THTPA: variants seen among roughly 807,000 people sequenced by gnomAD.
The protein encoded by THTPA is thiamine triphosphatase.
In THTPA, 16 loss-of-function variants were observed where a neutral mutation model predicts 16.5. The observed-to-expected ratio is 0.97, with a 90% CI of 0.66 to 1.47. THTPA has a LOEUF of 1.47. Ranked by LOEUF, THTPA falls within the 40% of genes most tolerant of loss-of-function variation. The probability of loss-of-function intolerance (pLI) is 0.00; values close to 1 mark genes in which losing one functional copy is unlikely to be tolerated. For synonymous variants in THTPA, 110 were observed against 115.5 expected (o/e 0.95, Z 0.30); for missense variants, 281 against 280.9 (o/e 1.00, Z 0.00).
chr14:23,556,451 T>A lies in THTPA; in HGVS notation c.-307T>A. 2.9e-6 allele frequency: 1 copy of A among 344,766 alleles called. No individual in the cohort carries two copies. The allele number at this position is 344,766 out of a possible 1,614,324, so 21.4% of individuals were successfully genotyped here. ...TGGCAAGGTGTAGAGAGGGGGGCGTTGAAAGGACACCCGCTACCCGGCCTG... is the reference window on the plus strand; with the variant it reads ...TGGCAAGGTGTAGAGAGGGGGGCGTAGAAAGGACACCCGCTACCCGGCCTG... On this transcript the variant is annotated 5_prime_UTR_variant, in exon 1 of 2. Coordinates refer to ENST00000288014, the MANE Select transcript of THTPA (RefSeq NM_024328.6).
chr14:23,558,283 G>A (rs1386414045), intron 1 of THTPA, among the ~76,000 whole-genome samples: 1 of 152,204 alleles, frequency 6.6e-6, no homozygotes, highest in Non-Finnish European at 1.5e-5. Flanking sequence ...ATAGCTCTTG[G>A]TTTCTATGTG....
the THTPA span, chr14:23,531,763 A>C: frequency 7.8e-7 from 1 of 1,286,222 alleles, no homozygotes; most frequent in East Asian, 3.0e-5. Flanking sequence ...CAGAAGGGAC[A>C]TGCCAGACCT....
the THTPA span, chr14:23,521,656 G>T: frequency 5.7e-6 from 2 of 348,798 alleles, no homozygotes; most frequent in African/African-American, 4.2e-5. Flanking sequence ...TTTGTGTGTG[G>T]TAGGCAGACA....
chr14:23,546,337 C>T, the THTPA span, among the ~76,000 whole-genome samples: 1 of 152,196 alleles, frequency 6.6e-6, no homozygotes, highest in Non-Finnish European at 1.5e-5. This position sits in a 1 kb window ranked among gnomAD's most constrained non-coding sequence, Gnocchi z 4.7. Context: ...CCTGTTCTCT[C>T]ATTAGACTTT....
chr14:23,553,065 C>T (rs1305997245), upstream of THTPA, among the ~76,000 whole-genome samples: 1 of 152,200 alleles, frequency 6.6e-6, no homozygotes, highest in African/African-American at 2.4e-5. Flanking sequence ...AGTGAATTAA[C>T]AGGCCCAAGG....
chr14:23,547,789 G>A, the THTPA span, among the ~76,000 whole-genome samples: 1 of 152,290 alleles, frequency 6.6e-6, no homozygotes, highest in South Asian at 2.1e-4. Context: ...CTAATTCAAC[G>A]TTTGATCAGT....
chr14:23,535,839 A>G, the THTPA span, among the ~76,000 whole-genome samples: 1 of 151,972 alleles, frequency 6.6e-6, no homozygotes, highest in Non-Finnish European at 1.5e-5. This position sits in a 1 kb window ranked among gnomAD's most constrained non-coding sequence, Gnocchi z 4.5. Context: ...TGATCCGCCC[A>G]CCTCGGCCTC....
the THTPA span, chr14:23,521,739 G>A: frequency 2.7e-6 from 2 of 737,916 alleles, no homozygotes; most frequent in Non-Finnish European, 4.2e-6. Context: ...TCTGCAAGGA[G>A]CTGAGGAGGA....
chr14:23,532,534 C>T, the THTPA span: 1 of 1,428,772 alleles, frequency 7.0e-7, no homozygotes, highest in Non-Finnish European at 9.1e-7. Flanking sequence ...TTCCCTTCTC[C>T]TCTTCCGATG....
At chr14:23,522,891 T>C in the THTPA span, 5 of 1,484,096 alleles carry the variant, frequency 3.4e-6, no homozygotes, top group Non-Finnish European at 4.5e-6. Flanking sequence ...ACTGTGGTGG[T>C]AGGCAGGACC....
chr14:23,542,047 C>T, the THTPA span: 4 of 152,072 alleles, frequency 2.6e-5, no homozygotes, highest in Non-Finnish European at 2.9e-5. Context: ...AAAGAAAGAT[C>T]GCTAAGGCAG....
At position 23,560,114 on chromosome 14, in the gene THTPA, C is replaced by T. The variant is rs1043642586; in HGVS notation, c.*1274C>T. The stretch of plus-strand genomic sequence containing the variant: ...AGCCCCTCTATACTCAGTGGCTCCA[C>T]ACCCTTTTCCTGTAACTCCCCAAGT... On this transcript the variant is annotated 3_prime_UTR_variant, in exon 2 of 2. Transcript: ENST00000288014. 2.8e-6 allele frequency: 4 copies of T among 1,411,120 alleles called. No individual in the cohort carries two copies. The highest frequency in any genetic ancestry group is 1.9e-5 in the Admixed American group (1 of 52,502). 87.4% of individuals were successfully genotyped at this position (1,411,120 alleles called of 1,614,324 possible).
chr14:23,556,569 G>A lies in THTPA; in HGVS notation c.-189G>A. ...ACTGTCAGAGCCTTAAAATATCACC[G>A]ACGGGGCCTTAATGTCACCGAGGTA... On this transcript the variant is annotated 5_prime_UTR_variant, in exon 1 of 2. Coordinates refer to ENST00000288014, the MANE Select transcript of THTPA (RefSeq NM_024328.6). 1.6e-6 allele frequency: 1 copy of A among 622,266 alleles called. No individual in the cohort carries two copies. The highest frequency in any genetic ancestry group is 2.8e-6 in the Non-Finnish European group (1 of 362,184). 38.5% of individuals were successfully genotyped at this position (622,266 alleles called of 1,614,324 possible). A position where few individuals can be genotyped will look rare whatever the true frequency, so the allele number is the denominator to read the frequency against.
chr14:23,522,322 G>A, the THTPA span: 2 of 1,528,768 alleles, frequency 1.3e-6, no homozygotes, highest in Admixed American at 4.0e-5. Context: ...TGCACTGGCG[G>A]CACAGGTAGC....
the THTPA span, chr14:23,534,840 G>T: frequency 2.6e-6 from 4 of 1,536,162 alleles, no homozygotes; most frequent in Admixed American, 3.9e-5. This position sits in a 1 kb window ranked among gnomAD's most constrained non-coding sequence, Gnocchi z 4.5. Flanking sequence ...GGTGTGAGGG[G>T]GGTGGGTAGG....
At chr14:23,525,148 G>A in the THTPA span, 2 of 1,536,168 alleles carry the variant, frequency 1.3e-6, no homozygotes, top group Non-Finnish European at 1.7e-6. The surrounding 1 kb of genome is among the most constrained non-coding windows in gnomAD (Gnocchi z 5.9). Flanking sequence ...ACTTGGTTCT[G>A]GAGAACCGGC....
the THTPA span, chr14:23,533,329 CCA>C: frequency 6.9e-7 from 1 of 1,439,360 alleles, no homozygotes; most frequent in Non-Finnish European, 9.1e-7. This position sits in a 1 kb window ranked among gnomAD's most constrained non-coding sequence, Gnocchi z 4.8. Context: ...GTGGTGGAAA[CCA>C]TTGAGAAGTA....
the THTPA span, among the ~76,000 whole-genome samples, chr14:23,545,431 C>T: frequency 1.2e-3 from 178 of 151,450 alleles, 1 homozygote; most frequent in Non-Finnish European, 1.5e-3. Flanking sequence ...CTACTGCACT[C>T]CTTCCTTTCT....
At chr14:23,529,119 C>T in the THTPA span, among the ~76,000 whole-genome samples, 2 of 152,232 alleles carry the variant, frequency 1.3e-5, no homozygotes, top group Admixed American at 6.5e-5. Flanking sequence ...AGCTGTGAGG[C>T]ACAGGATGGC....
Sources: gnomAD v4.1 joint callset for allele counts (sites outside exome capture counted in the v4.1 genomes callset) on GRCh38, gnomAD v4.1.1 for gene constraint, Gnocchi (gnomAD v3.1) non-coding constraint, MANE v1.5 for transcripts, NCBI Gene and HGNC (gene_info 2026-07-23, HGNC 2026-07-21) for gene names.